The following STEAP1 variants were observed in gnomAD, a reference collection of about 807,000 sequenced individuals.
The protein encoded by STEAP1 is STEAP family member 1.
Under a neutral mutation model 34.4 loss-of-function variants are expected in STEAP1, and 30 were observed. That is an observed-to-expected ratio of 0.87 (90% CI 0.65 to 1.18). The LOEUF is 1.18. Among genes scored for constraint, STEAP1 ranks in the 50% most tolerant of loss-of-function variants. The pLI is 0.00. For missense variants in STEAP1, 318 were observed against 391.1 expected, an observed-to-expected ratio of 0.81 and a Z score of 1.58; for synonymous variants, 116 against 135.3, an observed-to-expected ratio of 0.86 and a Z score of 0.99.
chr7:90,156,128 A>G lies in STEAP1; in HGVS notation c.-32+1585A>G, dbSNP rs1794115521. 2.0e-5 allele frequency among the ~76,000 whole-genome samples: 3 copies of G among 152,238 alleles called. No individual in the cohort carries two copies. In the South Asian group the frequency reaches 6.2e-4, roughly 31 times the overall value. On this transcript the variant is annotated intron_variant, in intron 1 of 4. Coordinates refer to ENST00000297205, the MANE Select transcript of STEAP1 (RefSeq NM_012449.3). ...TAGTTAATGAATTCATATTGAATAA[A>G]TGTAGGTGGATTTGTTAGCATCCTT...
At chr7:90,162,297 T>C in intron 4 of STEAP1, 1 of 719,918 alleles carries the variant, frequency 1.4e-6, no homozygotes, top group Non-Finnish European at 1.9e-6. Flanking sequence ...AAAATATTCT[T>C]TGTTTTTTTT....
At chr7:90,163,538 G>C (rs1201603351) in intron 4 of STEAP1, among the ~76,000 whole-genome samples, 4 of 152,152 alleles carry the variant, frequency 2.6e-5, no homozygotes, top group African/African-American at 9.7e-5. Context: ...TCTGAGAACT[G>C]GTTACACTAC....
rs1193720110 is a variant in STEAP1 at position 90,163,490 on chromosome 7, A to G, written c.763-987A>G. ...AACTAATTTTCAACCAATGACATGT[A>G]TTTTTCAACTAGTAACCTAGAAATG... is the stretch of plus-strand genomic sequence containing the variant. On this transcript the variant is annotated intron_variant, in intron 4 of 4. Transcript: ENST00000297205. 2.0e-5 allele frequency among the ~76,000 whole-genome samples: 3 copies of G among 152,230 alleles called. No individual in the cohort carries two copies. In the East Asian group the frequency reaches 5.8e-4, roughly 29 times the overall value.
intron 4 of STEAP1, chr7:90,162,384 A>C (rs1320362609): frequency 3.9e-6 from 1 of 259,650 alleles, no homozygotes; most frequent in Non-Finnish European, 6.8e-6. Flanking sequence ...GCTGGAGTAC[A>C]GTGGCACGAT....
rs1269054939 is a variant in STEAP1 at position 90,159,755 on chromosome 7, C to CA, written c.-31-2dup. The CA allele has an allele frequency of 7.2e-7, 1 of 1,380,800 alleles. No individual in the cohort carries two copies. Among genetic ancestry groups the CA allele is most frequent in the South Asian group, 1.6e-5 (1 of 61,966 alleles). The allele number at this position is 1,380,800 out of a possible 1,614,324, so 85.5% of individuals were successfully genotyped here. A position where few individuals can be genotyped will look rare whatever the true frequency, so the allele number is the denominator to read the frequency against. On this transcript the variant is annotated splice_polypyrimidine_tract_variant and splice_region_variant and intron_variant, in intron 1 of 4. Transcript: ENST00000297205. ...ATGAAAGTAATTATTTTTATTTTTA[C>CA]AGGTGGCTGAAGCCATACTATTTTA...
intron 1 of STEAP1, among the ~76,000 whole-genome samples, chr7:90,155,981 A>C (rs531695889): frequency 1.3e-5 from 2 of 152,202 alleles, no homozygotes; most frequent in Admixed American, 6.5e-5. Flanking sequence ...CCTCTAGGAT[A>C]CATCGCTCTA....
In STEAP1 at chr7:90,164,665, A is replaced by G. The variant is rs761367448; in HGVS notation, c.951A>G (p.Ile317Met). Reference sequence around the variant, plus strand: ...TCCTGCCATGCTTGAGGAAGAAGATACTGAAGATTAGACATGGTTGGGAAG... The same window carrying G: ...TCCTGCCATGCTTGAGGAAGAAGATGCTGAAGATTAGACATGGTTGGGAAG... Reference protein sequence around the residue: ...ILFLPCLRKKILKIRHGWEDV... With the variant: ...ILFLPCLRKKMLKIRHGWEDV... Residue 317 changes from isoleucine (I) to methionine (M), a missense_variant, in exon 5 of 5, where the codon ATA (isoleucine) becomes ATG (methionine). Coordinates refer to ENST00000297205, the MANE Select transcript of STEAP1 (RefSeq NM_012449.3). 3 of 1,613,758 alleles carry G rather than the reference A, an allele frequency of 1.9e-6. No homozygotes were observed. Among genetic ancestry groups the G allele is most frequent in the African/African-American group, 2.7e-5 (2 of 75,040 alleles).
chr7:90,162,308 T>TTTTTTTG, intron 4 of STEAP1: 6 of 596,542 alleles, frequency 1.0e-5, no homozygotes, highest in South Asian at 4.6e-5. Flanking sequence ...TGTTTTTTTT[T>TTTTTTTG]TTTGTTTGTT....
Sources: allele counts gnomAD v4.1 joint callset (sites outside exome capture counted in the v4.1 genomes callset), GRCh38; gene constraint gnomAD v4.1.1; transcripts MANE v1.5; gene names NCBI Gene and HGNC (gene_info 2026-07-23, HGNC 2026-07-21).